The following MFSD11 variants were observed in gnomAD, a reference collection of about 807,000 sequenced individuals.
The protein encoded by MFSD11 is UNC93-like protein MFSD11.
In MFSD11, 36 loss-of-function variants were observed where a neutral mutation model predicts 53.5. The ratio of observed to expected loss-of-function variants is 0.67; its 90% CI spans 0.52 to 0.89. MFSD11 has a LOEUF of 0.89. Among genes scored for constraint, MFSD11 ranks in the 40% least tolerant of loss-of-function variants. The probability of loss-of-function intolerance (pLI) is 0.00; values close to 1 mark genes in which losing one functional copy is unlikely to be tolerated. For synonymous variants in MFSD11, 186 were observed against 184.9 expected (o/e 1.01, Z -0.05); for missense variants, 530 against 543.9 (o/e 0.97, Z 0.25).
chr17:76,789,454 C>T, the MFSD11 span, among the ~76,000 whole-genome samples: 1 of 150,060 alleles, frequency 6.7e-6, no homozygotes, highest in East Asian at 1.9e-4. Context: ...AGAGGAAGGT[C>T]ATATACCAGT....
At chr17:76,791,874 C>G in the MFSD11 span, among the ~76,000 whole-genome samples, 7 of 146,310 alleles carry the variant, frequency 4.8e-5, 1 homozygote, top group South Asian at 2.3e-4. Flanking sequence ...TGTGTTCCCC[C>G]CCGCCCCGAG....
At chr17:76,790,461 C>T in the MFSD11 span, among the ~76,000 whole-genome samples, 902 of 144,328 alleles carry the variant, frequency 6.2e-3, 17 homozygotes, top group African/African-American at 0.022. Flanking sequence ...CGTGCCTCAG[C>T]CTCCCGAGTA....
At chr17:76,788,912 C>T in the MFSD11 span, among the ~76,000 whole-genome samples, 7 of 147,376 alleles carry the variant, frequency 4.7e-5, 1 homozygote, top group East Asian at 8.1e-4. Context: ...GAGGCTGAGG[C>T]GGGCGCATCA....
At chr17:76,787,383 C>G in the MFSD11 span, among the ~76,000 whole-genome samples, 1 of 149,928 alleles carries the variant, frequency 6.7e-6, no homozygotes, top group African/African-American at 2.4e-5. Flanking sequence ...GTGATCCACC[C>G]ACCTTGGCCT....
intron 8 of MFSD11, among the ~76,000 whole-genome samples, chr17:76,756,529 C>T (rs1446495612): frequency 6.6e-6 from 1 of 152,188 alleles, no homozygotes; most frequent in Non-Finnish European, 1.5e-5. Flanking sequence ...AAAAGTTTGG[C>T]TTTCATCTTT....
upstream of MFSD11, chr17:76,737,428 C>G: frequency 2.5e-6 from 1 of 398,998 alleles, no homozygotes; most frequent in East Asian, 3.9e-5. Flanking sequence ...CCCACCGCGC[C>G]CCGCTTCGTA....
At chr17:76,737,206 C>T (rs528646557), upstream of MFSD11, 137 of 1,503,530 alleles carry the variant, frequency 9.1e-5, no homozygotes, top group South Asian at 1.6e-3. Context: ...CGCCGGCTTC[C>T]TCAGCTCTGG....
At chr17:76,772,564 C>T (rs2081465515) in intron 10 of MFSD11, among the ~76,000 whole-genome samples, 1 of 142,786 alleles carries the variant, frequency 7.0e-6, no homozygotes, top group Non-Finnish European at 1.5e-5. Context: ...GTTGCCCAGG[C>T]TGGGGTGCAG....
chr17:76,793,423 C>T, the MFSD11 span, among the ~76,000 whole-genome samples: 4 of 151,524 alleles, frequency 2.6e-5, no homozygotes, highest in Non-Finnish European at 4.4e-5. Context: ...CCGCCCGGCT[C>T]ACCAGCGGTC....
chr17:76,798,533 G>A, the MFSD11 span, among the ~76,000 whole-genome samples: 2 of 152,268 alleles, frequency 1.3e-5, no homozygotes, highest in East Asian at 1.9e-4. Context: ...CTCAGTACAT[G>A]TGTTATCAGA....
At chr17:76,794,480 G>GA in the MFSD11 span, among the ~76,000 whole-genome samples, 9,572 of 138,726 alleles carry the variant, frequency 0.069, 1,181 homozygotes, top group African/African-American at 0.23. Context: ...CCGTCTCAAA[G>GA]AAAAAAAAAA....
the MFSD11 span, among the ~76,000 whole-genome samples, chr17:76,803,761 T>A: frequency 6.6e-6 from 1 of 151,276 alleles, no homozygotes; most frequent in East Asian, 1.9e-4. Flanking sequence ...CCCAGAATGC[T>A]CAGGGAGACT....
intron 7 of MFSD11, among the ~76,000 whole-genome samples, chr17:76,750,807 C>CTTT (rs869278745): frequency 7.2e-6 from 1 of 137,980 alleles, no homozygotes; most frequent in Non-Finnish European, 1.6e-5. Flanking sequence ...GAAATGTAAT[C>CTTT]TTTTTTTTTT....
rs180810739 is a variant in MFSD11 at position 76,743,547 on chromosome 17, G to A, written c.496+91G>A. On this transcript the variant is annotated intron_variant, in intron 6 of 12. Transcript: ENST00000685175. ...CCCATTATTGCTTTATTCAAGCATC[G>A]TTCTCATGAACCCCGACACCTCAAG... The A allele has an allele frequency of 8.6e-5, 67 of 777,100 alleles. No individual in the cohort carries two copies. In the East Asian group the frequency reaches 1.2e-3, roughly 14 times the overall value. 48.1% of individuals were successfully genotyped at this position (777,100 alleles called of 1,614,324 possible). A position where few individuals can be genotyped will look rare whatever the true frequency, so the allele number is the denominator to read the frequency against.
downstream of MFSD11, among the ~76,000 whole-genome samples, chr17:76,783,219 G>A (rs940427140): frequency 4.6e-5 from 7 of 151,778 alleles, no homozygotes; most frequent in Admixed American, 6.6e-5. Flanking sequence ...TCTTATATAT[G>A]CTGTTCAAAA....
the MFSD11 span, among the ~76,000 whole-genome samples, chr17:76,794,480 G>GAA: frequency 0.8 from 111,564 of 138,766 alleles, 46,662 homozygotes; most frequent in Non-Finnish European, 0.92. Flanking sequence ...CCGTCTCAAA[G>GAA]AAAAAAAAAA....
rs528595913 is a variant in MFSD11 at position 76,776,814 on chromosome 17, T to C, written c.1185+273T>C. On this transcript the variant is annotated intron_variant, in intron 12 of 12. Transcript: ENST00000685175. The surrounding 1 kb of genome is among the most constrained non-coding windows in gnomAD (Gnocchi z 4.2). ...CACCACCATGCCTGGCTAATTTTTG[T>C]ATTTTTTTTTTCTTTTTAGCAGAGG... Among the ~76,000 whole-genome samples, 162 of 148,182 alleles carry C rather than the reference T, an allele frequency of 1.1e-3. No homozygotes were observed. Among genetic ancestry groups the C allele is most frequent in the African/African-American group, 4.2e-3 (158 of 37,864 alleles).
intron 8 of MFSD11, among the ~76,000 whole-genome samples, chr17:76,766,214 C>T (rs963232481): frequency 1.3e-5 from 2 of 151,434 alleles, no homozygotes; most frequent in East Asian, 1.9e-4. Flanking sequence ...GTCAGGAGTT[C>T]GAGACCAGCC....
chr17:76,754,160 TG>T, intron 8 of MFSD11, 73 bp downstream of exon 8: 1 of 1,285,354 alleles, frequency 7.8e-7, no homozygotes. Flanking sequence ...CCCTATTCCC[TG>T]GTAACTTTGG....
Sources: gnomAD v4.1 joint callset for allele counts (sites outside exome capture counted in the v4.1 genomes callset) on GRCh38, gnomAD v4.1.1 for gene constraint, Gnocchi (gnomAD v3.1) non-coding constraint, MANE v1.5 for transcripts, NCBI Gene and HGNC (gene_info 2026-07-23, HGNC 2026-07-21) for gene names.